Variants in ATP6V0A4 observed in about 807,000 individuals in gnomAD.
ATP6V0A4 encodes V-type proton ATPase 116 kDa subunit a 4.
Under a neutral mutation model 107.3 loss-of-function variants are expected in ATP6V0A4, and 86 were observed. That is an observed-to-expected ratio of 0.80 (90% CI 0.67 to 0.96). ATP6V0A4 has a LOEUF of 0.96. Among genes scored for constraint, ATP6V0A4 ranks in the 40% least tolerant of loss-of-function variants. ATP6V0A4 has a pLI of 0.00. For missense variants in ATP6V0A4, 908 were observed against 1,045.6 expected, an observed-to-expected ratio of 0.87 and a Z score of 1.81; for synonymous variants, 353 against 381.4, an observed-to-expected ratio of 0.93 and a Z score of 0.87.
Position 138,749,642 on chromosome 7 carries a change from C to A in ATP6V0A4, c.1030-325G>T, listed in dbSNP as rs370668163. ...CCTCTCCACTTTCTCAATTCATCCC[C>A]CTCTTCCAAATGGCTCTGGCCCTTC... On this transcript the variant is annotated intron_variant, in intron 11 of 21. Transcript: ENST00000310018. 2.3e-4 allele frequency among the ~76,000 whole-genome samples: 35 copies of A among 152,222 alleles called. No homozygotes were observed. The East Asian group carries it at 5.4e-3, about 24-fold the overall frequency.
At position 138,771,215 on chromosome 7, in the gene ATP6V0A4, A is replaced by G. The variant is rs752799770; in HGVS notation, c.33T>C (p.Cys11=). ...CCACCTGGAGAAACAGTTGTGACAA[A>G]CACATCTCCTCGCTTCGAAACACAG... MVSVFRSEEM[C]LSQLFLQVEA... Residue 11 remains cysteine, a synonymous_variant, in exon 3 of 22, where the codon TGT becomes TGC. Transcript: ENST00000310018. 1.9e-6 allele frequency: 3 copies of G among 1,614,078 alleles called. No individual in the cohort carries two copies. The highest frequency in any genetic ancestry group is 1.3e-5 in the African/African-American group (1 of 75,036).
At chr7:138,717,078 A>T (rs545361845) in intron 19 of ATP6V0A4, among the ~76,000 whole-genome samples, 1 of 152,308 alleles carries the variant, frequency 6.6e-6, no homozygotes, top group Admixed American at 6.5e-5. Flanking sequence ...GAAGAATGAC[A>T]TTGACAGAGG....
intron 1 of ATP6V0A4, among the ~76,000 whole-genome samples, chr7:138,792,124 C>T (rs572983712): frequency 6.6e-4 from 101 of 152,172 alleles, no homozygotes; most frequent in African/African-American, 2.2e-3. Context: ...CTGGCTAACA[C>T]GGTGAAACCC....
Position 138,745,104 on chromosome 7 carries a change from T to C in ATP6V0A4, c.1478+19A>G. ...ACCTGGATGGCCAGCGACTACACCATCTCTGTCTGTCAACTCACTTCCATG... is the reference window on the plus strand; with the variant it reads ...ACCTGGATGGCCAGCGACTACACCACCTCTGTCTGTCAACTCACTTCCATG... On this transcript the variant is annotated intron_variant, in intron 14 of 21. Coordinates refer to ENST00000310018, the MANE Select transcript of ATP6V0A4 (RefSeq NM_020632.3). 2 of 1,602,774 alleles carry C rather than the reference T, an allele frequency of 1.2e-6. No homozygotes were observed. Among genetic ancestry groups the C allele is most frequent in the Admixed American group, 3.3e-5 (2 of 59,992 alleles).
At chr7:138,753,991 C>A (rs1563003232) in intron 10 of ATP6V0A4, among the ~76,000 whole-genome samples, 1 of 152,148 alleles carries the variant, frequency 6.6e-6, no homozygotes, top group East Asian at 1.9e-4. Context: ...ACAGCAGCAA[C>A]CCGTCATACT....
At chr7:138,743,912 A>C (rs939041824) in intron 14 of ATP6V0A4, among the ~76,000 whole-genome samples, 2 of 152,144 alleles carry the variant, frequency 1.3e-5, no homozygotes, top group African/African-American at 4.8e-5. Context: ...TGTTCACTTC[A>C]CAGTCCCCTC....
intron 11 of ATP6V0A4, among the ~76,000 whole-genome samples, chr7:138,750,695 A>C (rs986097418): frequency 1.1e-4 from 17 of 152,176 alleles, no homozygotes; most frequent in Non-Finnish European, 2.1e-4. Flanking sequence ...CTCCCCGGCC[A>C]GCCTCCCAGC....
intron 15 of ATP6V0A4, among the ~76,000 whole-genome samples, chr7:138,735,142 G>A (rs1334279470): frequency 6.6e-6 from 1 of 152,110 alleles, no homozygotes. Context: ...CTGGGTGGTC[G>A]TGCAGGGGGC....
intron 1 of ATP6V0A4, among the ~76,000 whole-genome samples, chr7:138,794,678 G>C (rs931033833): frequency 6.6e-6 from 1 of 151,816 alleles, no homozygotes; most frequent in African/African-American, 2.4e-5. Context: ...AAAAAGTCTT[G>C]AGAAAGTCTA....
chr7:138,736,542 C>T (rs1805329964), intron 15 of ATP6V0A4, among the ~76,000 whole-genome samples: 1 of 152,070 alleles, frequency 6.6e-6, no homozygotes, highest in Non-Finnish European at 1.5e-5. Context: ...GCCAAGCAAT[C>T]CTAGGAGTTA....
chr7:138,751,670 A>C (rs956636084), intron 11 of ATP6V0A4, among the ~76,000 whole-genome samples: 1 of 151,882 alleles, frequency 6.6e-6, no homozygotes, highest in Non-Finnish European at 1.5e-5. Flanking sequence ...GTACACAGGG[A>C]ATGTCTAAGG....
At chr7:138,779,057 T>C (rs985292595) in intron 2 of ATP6V0A4, among the ~76,000 whole-genome samples, 1 of 152,178 alleles carries the variant, frequency 6.6e-6, no homozygotes, top group Non-Finnish European at 1.5e-5. Flanking sequence ...ACTGTGGTAT[T>C]GGGCCAGGAG....
chr7:138,725,430 G>C (rs1392767581), intron 18 of ATP6V0A4, among the ~76,000 whole-genome samples: 2 of 152,132 alleles, frequency 1.3e-5, no homozygotes, highest in Non-Finnish European at 2.9e-5. Context: ...TACAGTTCAA[G>C]AACAGGCAAA....
At position 138,798,161 on chromosome 7, in the gene ATP6V0A4, C is replaced by T. The variant is rs373396667; in HGVS notation, c.-248G>A. 461 of 1,598,628 alleles carry T rather than the reference C, an allele frequency of 2.9e-4. No homozygotes were observed. Among genetic ancestry groups the T allele is most frequent in the Non-Finnish European group, 3.6e-4 (419 of 1,173,138 alleles). On this transcript the variant is annotated 5_prime_UTR_variant, in exon 1 of 22. Transcript: ENST00000310018. ...CCCTGATCCTCAGCCTGGCCTTTGCCTCCCTCCACTCGGCTTGCTCGGCAG... is the reference window on the plus strand; with the variant it reads ...CCCTGATCCTCAGCCTGGCCTTTGCTTCCCTCCACTCGGCTTGCTCGGCAG...
intron 16 of ATP6V0A4, among the ~76,000 whole-genome samples, chr7:138,733,475 A>G (rs1452365123): frequency 1.4e-5 from 2 of 140,314 alleles, no homozygotes; most frequent in East Asian, 4.3e-4. Context: ...GCTTTTTCCT[A>G]AGAATGCTCT....
At chr7:138,791,216 G>A (rs1563024410) in intron 1 of ATP6V0A4, among the ~76,000 whole-genome samples, 1 of 152,060 alleles carries the variant, frequency 6.6e-6, no homozygotes, top group Non-Finnish European at 1.5e-5. Flanking sequence ...AGAACCCAAT[G>A]GGTAGTTATA....
intron 2 of ATP6V0A4, among the ~76,000 whole-genome samples, chr7:138,782,669 G>A (rs556614934): frequency 5.3e-4 from 80 of 152,278 alleles, no homozygotes; most frequent in African/African-American, 1.8e-3. Flanking sequence ...TGAAGGGGAG[G>A]GCTGAGAAAG....
At chr7:138,727,153 G>C (rs953083736) in intron 18 of ATP6V0A4, among the ~76,000 whole-genome samples, 1 of 151,508 alleles carries the variant, frequency 6.6e-6, no homozygotes, top group Admixed American at 6.6e-5. Context: ...AGCCAGGCAG[G>C]GGGGCATGCC....
chr7:138,755,073 A>G (rs760222924), intron 10 of ATP6V0A4, among the ~76,000 whole-genome samples: 1 of 152,154 alleles, frequency 6.6e-6, no homozygotes, highest in African/African-American at 2.4e-5. Context: ...TCATAACCGA[A>G]AGTTCTATCG....
Sources: gnomAD v4.1 joint callset for allele counts (sites outside exome capture counted in the v4.1 genomes callset) on GRCh38, gnomAD v4.1.1 for gene constraint, MANE v1.5 for transcripts, NCBI Gene and HGNC (gene_info 2026-07-23, HGNC 2026-07-21) for gene names.